SCAMP1: variants seen among roughly 807,000 people sequenced by gnomAD.
SCAMP1 encodes the protein secretory carrier-associated membrane protein 1.
In SCAMP1, 15 loss-of-function variants were observed where a neutral mutation model predicts 41.8. That is an observed-to-expected ratio of 0.36 (90% CI 0.24 to 0.55). The LOEUF (loss-of-function observed/expected upper bound fraction) is 0.55, where lower values mean the gene tolerates loss of function less well. SCAMP1 is among the 20% of genes least tolerant of loss of function. The probability of loss-of-function intolerance (pLI) is 0.86; values close to 1 mark genes in which losing one functional copy is unlikely to be tolerated. For missense variants in SCAMP1, 341 were observed against 412.6 expected (o/e 0.83, Z 1.50); for synonymous variants, 135 against 136.8 (o/e 0.99, Z 0.09).
At chr5:78,398,031 C>A (rs530444592) in intron 2 of SCAMP1, among the ~76,000 whole-genome samples, 4 of 152,184 alleles carry the variant, frequency 2.6e-5, no homozygotes, top group Non-Finnish European at 5.9e-5. Flanking sequence ...CTTTGGAAAA[C>A]AGTTTGCTAG....
intron 2 of SCAMP1, among the ~76,000 whole-genome samples, chr5:78,410,169 G>A (rs943346966): frequency 3.3e-5 from 5 of 149,796 alleles, no homozygotes; most frequent in Middle Eastern, 3.2e-3. Flanking sequence ...TGCAGGATGT[G>A]TAGGTTTGTT....
intron 8 of SCAMP1, among the ~76,000 whole-genome samples, chr5:78,467,682 T>G (rs569426379): frequency 6.6e-6 from 1 of 152,310 alleles, no homozygotes; most frequent in Non-Finnish European, 1.5e-5. Flanking sequence ...AGATTCTTTA[T>G]CTGTGAAATA....
chr5:78,452,376 C>G (rs887096045), intron 7 of SCAMP1, among the ~76,000 whole-genome samples: 1 of 133,302 alleles, frequency 7.5e-6, no homozygotes, highest in African/African-American at 2.9e-5. Context: ...GTGTGATATT[C>G]CCCTTCCTGT....
At chr5:78,408,956 C>T (rs1287040338) in intron 2 of SCAMP1, among the ~76,000 whole-genome samples, 2 of 152,136 alleles carry the variant, frequency 1.3e-5, no homozygotes, top group African/African-American at 4.8e-5. Flanking sequence ...TTCCTCCCTT[C>T]TACATCCAGA....
chr5:78,362,537 TG>T (rs1750683001), intron 1 of SCAMP1, among the ~76,000 whole-genome samples: 1 of 152,240 alleles, frequency 6.6e-6, no homozygotes, highest in African/African-American at 2.4e-5. Flanking sequence ...AAATCTTTTT[TG>T]TTCTTTTATA....
rs200309776 is a variant in SCAMP1, at chr5:78,363,411, G to A, written c.57+2683G>A. Among the ~76,000 whole-genome samples, 99 of 151,578 alleles carry A rather than the reference G, an allele frequency of 6.5e-4. 1 individual carries two copies. The highest frequency in any genetic ancestry group is 6.4e-3 in the Admixed American group (98 of 15,230). The stretch of plus-strand genomic sequence containing the variant: ...TTTTTAGTAGAGACGGGGTTTCACC[G>A]TGTTAGCCAGGATGGTCTCGATCTC... On this transcript the variant is annotated intron_variant, in intron 1 of 8. Coordinates refer to ENST00000621999, the MANE Select transcript of SCAMP1 (RefSeq NM_004866.6).
Position 78,459,999 on chromosome 5 carries a change from C to T in SCAMP1, c.852+637C>T, listed in dbSNP as rs531495196. On this transcript the variant is annotated intron_variant, in intron 8 of 8. Transcript: ENST00000621999. ...TTTAGCTCCCACTTCTAAGTGAGAA[C>T]ATGCAGTATTTGATTTTCTGTTAGT... 5.3e-5 allele frequency among the ~76,000 whole-genome samples: 8 copies of T among 152,270 alleles called. No individual in the cohort carries two copies. The East Asian group carries it at 1.4e-3, about 26-fold the overall frequency.
At chr5:78,457,186 G>A (rs1225648525) in intron 7 of SCAMP1, among the ~76,000 whole-genome samples, 4 of 151,996 alleles carry the variant, frequency 2.6e-5, no homozygotes, top group Non-Finnish European at 4.4e-5. Flanking sequence ...CTCTCAACTC[G>A]TCAAAGTCAT....
intron 6 of SCAMP1, among the ~76,000 whole-genome samples, chr5:78,429,350 T>TG (rs200887419): frequency 4.2e-3 from 260 of 62,386 alleles, no homozygotes; most frequent in African/African-American, 0.016. Flanking sequence ...AGTTGGTTTT[T>TG]TTTTTTTTTT....
Position 78,376,799 on chromosome 5 carries a change from T to C in SCAMP1, c.58-12038T>C, listed in dbSNP as rs557851308. 4.6e-5 allele frequency among the ~76,000 whole-genome samples: 7 copies of C among 152,268 alleles called. No individual in the cohort carries two copies. In the South Asian group the frequency reaches 1.4e-3, roughly 32 times the overall value. On this transcript the variant is annotated intron_variant, in intron 1 of 8. Coordinates refer to ENST00000621999, the MANE Select transcript of SCAMP1 (RefSeq NM_004866.6). ...TTGACACATGAGAAATACTGGCAGATTGATCTCTGGGGTGGAGGAGGGATT... is the reference window on the plus strand; with the variant it reads ...TTGACACATGAGAAATACTGGCAGACTGATCTCTGGGGTGGAGGAGGGATT...
chr5:78,450,108 T>A, intron 7 of SCAMP1, 74 bp downstream of exon 7: 1 of 779,196 alleles, frequency 1.3e-6, no homozygotes, highest in Non-Finnish European at 2.1e-6. Context: ...CTAATCTAGT[T>A]AACACAGATA....
At position 78,453,027 on chromosome 5, in the gene SCAMP1, G is replaced by T. The variant is rs899823029; in HGVS notation, c.734+2993G>T. Among the ~76,000 whole-genome samples the T allele has an allele frequency of 2.8e-4, 41 of 144,634 alleles. No homozygotes were observed. The East Asian group carries it at 7.7e-3, about 27-fold the overall frequency. The allele number at this position is 144,634 out of a possible 152,430, so 94.9% of individuals were successfully genotyped here. ...CATGTCCTTCGCCCACTTTTTGATG[G>T]GGTTGTTTGTTTTTTTCTTGTAAAT... On this transcript the variant is annotated intron_variant, in intron 7 of 8. Coordinates refer to ENST00000621999, the MANE Select transcript of SCAMP1 (RefSeq NM_004866.6).
chr5:78,412,968 G>A (rs1461081024), intron 2 of SCAMP1, among the ~76,000 whole-genome samples: 3 of 151,988 alleles, frequency 2.0e-5, no homozygotes, highest in Non-Finnish European at 4.4e-5. Context: ...TGGGTACTTG[G>A]GATAGGTCAT....
At chr5:78,371,494 G>T (rs1256888986) in intron 1 of SCAMP1, among the ~76,000 whole-genome samples, 1 of 152,162 alleles carries the variant, frequency 6.6e-6, no homozygotes, top group East Asian at 1.9e-4. Context: ...CAAAGGAGAT[G>T]AAATATTTTA....
At chr5:78,388,358 T>C (rs1000098899) in intron 1 of SCAMP1, among the ~76,000 whole-genome samples, 1 of 152,248 alleles carries the variant, frequency 6.6e-6, no homozygotes, top group Non-Finnish European at 1.5e-5. Flanking sequence ...GTAGAGATAT[T>C]GGAGTAGAAT....
intron 8 of SCAMP1, among the ~76,000 whole-genome samples, chr5:78,464,648 G>A (rs1393677804): frequency 1.4e-5 from 2 of 145,472 alleles, no homozygotes; most frequent in African/African-American, 2.6e-5. Context: ...GCATTTTGGT[G>A]GCAGTGCGAA....
intron 1 of SCAMP1, among the ~76,000 whole-genome samples, chr5:78,367,934 C>T (rs1181822587): frequency 6.6e-6 from 1 of 152,158 alleles, no homozygotes; most frequent in African/African-American, 2.4e-5. Context: ...CTGCTTTTGG[C>T]TCCACCCTCT....
chr5:78,398,355 C>CTTTTTTTTTTTTTTT (rs1197381285), intron 2 of SCAMP1, among the ~76,000 whole-genome samples: 4 of 57,464 alleles, frequency 7.0e-5, no homozygotes, highest in African/African-American at 3.0e-4. Flanking sequence ...GGGTTCACCT[C>CTTTTTTTTTTTTTTT]TTTTTTTTTT....
rs1216314931 is a variant in SCAMP1 at position 78,478,103 on chromosome 5, A to G, written c.*2435A>G. On this transcript the variant is annotated 3_prime_UTR_variant, in exon 9 of 9. Coordinates refer to ENST00000621999, the MANE Select transcript of SCAMP1 (RefSeq NM_004866.6). ...AATTTGGGACTTGGATTATTTATCTAGAGATGTTTGTATATTTTGTCAGTA... is the reference window on the plus strand; with the variant it reads ...AATTTGGGACTTGGATTATTTATCTGGAGATGTTTGTATATTTTGTCAGTA... 2.0e-5 allele frequency: 3 copies of G among 152,576 alleles called. No homozygotes were observed. Among genetic ancestry groups the G allele is most frequent in the Admixed American group, 6.5e-5 (1 of 15,278 alleles). The allele number at this position is 152,576 out of a possible 1,614,324, so 9.5% of individuals were successfully genotyped here.
Sources: gnomAD v4.1 joint callset for allele counts (sites outside exome capture counted in the v4.1 genomes callset) on GRCh38, gnomAD v4.1.1 for gene constraint, MANE v1.5 for transcripts, NCBI Gene and HGNC (gene_info 2026-07-23, HGNC 2026-07-21) for gene names.